Variants in KDM4C observed in about 807,000 individuals in gnomAD.
The protein encoded by KDM4C is lysine demethylase 4C.
KDM4C carries 81 observed loss-of-function variants against 129.3 expected under a neutral mutation model. The observed-to-expected ratio is 0.63, with a 90% CI of 0.52 to 0.75. The LOEUF (loss-of-function observed/expected upper bound fraction) is 0.75, where lower values mean the gene tolerates loss of function less well. Among genes scored for constraint, KDM4C ranks in the 30% least tolerant of loss-of-function variants. The pLI is 0.00. For missense variants in KDM4C, 1,457 were observed against 1,304.0 expected, an observed-to-expected ratio of 1.12 and a Z score of -1.81; for synonymous variants, 573 against 456.1, an observed-to-expected ratio of 1.26 and a Z score of -3.26.
intron 19 of KDM4C, among the ~76,000 whole-genome samples, chr9:7,151,700 G>A (rs1043753453): frequency 2.6e-5 from 4 of 152,176 alleles, no homozygotes; most frequent in Non-Finnish European, 4.4e-5. Context: ...AAAAGGGAAA[G>A]TGGACAGTAG....
intron 5 of KDM4C, among the ~76,000 whole-genome samples, chr9:6,866,694 C>T (rs1419704944): frequency 1.3e-5 from 2 of 152,094 alleles, no homozygotes; most frequent in Non-Finnish European, 2.9e-5. Flanking sequence ...CCACCCTGAT[C>T]TCTATTCTAG....
In KDM4C at chr9:7,139,761, T is replaced by C. The variant is rs532776611; in HGVS notation, c.2781+11525T>C. ...AACCTTTTTTCTATATTATTTATGC[T>C]GGAACTTTATCTCATATCATTATGT... On this transcript the variant is annotated intron_variant, in intron 19 of 21. Transcript: ENST00000381309. Among the ~76,000 whole-genome samples, 57 of 152,360 alleles carry C rather than the reference T, an allele frequency of 3.7e-4. 1 individual carries two copies. In the South Asian group the frequency reaches 0.011, roughly 29 times the overall value.
chr9:6,858,623 G>A (rs7850403), intron 5 of KDM4C, among the ~76,000 whole-genome samples: 2,661 of 152,064 alleles, frequency 0.017, 76 homozygotes, highest in African/African-American at 0.058. Flanking sequence ...AATATGAAAA[G>A]TTAGCCGGGT....
intron 19 of KDM4C, among the ~76,000 whole-genome samples, chr9:7,156,821 G>T (rs374134870): frequency 6.6e-6 from 1 of 152,166 alleles, no homozygotes; most frequent in Non-Finnish European, 1.5e-5. Flanking sequence ...GCTTAGGATT[G>T]TCTTGGCAAT....
chr9:6,788,504 A>G lies in KDM4C; in HGVS notation c.-17-4468A>G, dbSNP rs186004249. ...TGCATTATTCTTTACCAGTCATGCAAGTGAATCTGTTTTCTAAGTAACTTT... is the reference window on the plus strand; with the variant it reads ...TGCATTATTCTTTACCAGTCATGCAGGTGAATCTGTTTTCTAAGTAACTTT... On this transcript the variant is annotated intron_variant, in intron 1 of 21. Transcript: ENST00000381309. Among the ~76,000 whole-genome samples the G allele has an allele frequency of 1.7e-4, 26 of 152,300 alleles. 1 individual carries two copies. Among genetic ancestry groups the G allele is most frequent in the Admixed American group, 1.4e-3 (21 of 15,286 alleles).
intron 1 of KDM4C, among the ~76,000 whole-genome samples, chr9:6,764,933 T>G (rs575547174): frequency 2.6e-5 from 4 of 152,290 alleles, no homozygotes; most frequent in Non-Finnish European, 5.9e-5. Context: ...GCTCACTCAT[T>G]TCATTATGAG....
chr9:6,860,182 G>C (rs1267398093), intron 5 of KDM4C, among the ~76,000 whole-genome samples: 1 of 152,100 alleles, frequency 6.6e-6, no homozygotes, highest in Non-Finnish European at 1.5e-5. Flanking sequence ...TGTGATAATT[G>C]ACAGGTGATG....
intron 17 of KDM4C, among the ~76,000 whole-genome samples, chr9:7,092,829 C>T (rs1467773076): frequency 2.0e-5 from 3 of 152,082 alleles, no homozygotes; most frequent in African/African-American, 7.2e-5. Flanking sequence ...TTGCACACAT[C>T]TGCTTGGGTA....
At chr9:6,774,163 C>T (rs1020671501) in intron 1 of KDM4C, among the ~76,000 whole-genome samples, 2 of 151,970 alleles carry the variant, frequency 1.3e-5, no homozygotes, top group Non-Finnish European at 1.5e-5. Flanking sequence ...GCTGGGATTA[C>T]AGGTGTGAGC....
At chr9:7,026,524 C>T (rs1167128949) in intron 15 of KDM4C, among the ~76,000 whole-genome samples, 2 of 151,774 alleles carry the variant, frequency 1.3e-5, no homozygotes, top group African/African-American at 4.8e-5. Context: ...TTTTTTTCCC[C>T]TTGACCTTTG....
chr9:6,759,707 C>G (rs1818999128), intron 1 of KDM4C, among the ~76,000 whole-genome samples: 2 of 152,156 alleles, frequency 1.3e-5, no homozygotes, highest in Non-Finnish European at 2.9e-5. Context: ...AATCCCAACA[C>G]TTTGGGAGGC....
At chr9:7,119,004 C>T (rs1318603065) in intron 18 of KDM4C, among the ~76,000 whole-genome samples, 1 of 152,134 alleles carries the variant, frequency 6.6e-6, no homozygotes, top group Admixed American at 6.6e-5. Context: ...TAGAGATTAA[C>T]TGTTTTCTCT....
At chr9:7,009,029 C>T (rs1346963146) in intron 12 of KDM4C, among the ~76,000 whole-genome samples, 1 of 152,200 alleles carries the variant, frequency 6.6e-6, no homozygotes, top group Non-Finnish European at 1.5e-5. Context: ...AATAAAACCT[C>T]AGTAACCAAC....
At chr9:6,781,049 C>T (rs1824232952) in intron 1 of KDM4C, among the ~76,000 whole-genome samples, 1 of 152,122 alleles carries the variant, frequency 6.6e-6, no homozygotes, top group Non-Finnish European at 1.5e-5. Context: ...GCTGTAGCCC[C>T]TCATGGCATT....
intron 8 of KDM4C, among the ~76,000 whole-genome samples, chr9:6,905,554 A>G (rs1159947740): frequency 6.6e-6 from 1 of 152,246 alleles, no homozygotes; most frequent in African/African-American, 2.4e-5. Context: ...TATGACCTTC[A>G]GAATTAATGC....
intron 5 of KDM4C, among the ~76,000 whole-genome samples, chr9:6,859,694 C>T (rs1029938767): frequency 4.9e-4 from 74 of 151,362 alleles, no homozygotes; most frequent in Non-Finnish European, 1.0e-4. Flanking sequence ...AACCCCGTCT[C>T]TACTAAGAAT....
At chr9:7,076,898 T>C (rs1377017240) in intron 17 of KDM4C, 1 of 988,960 alleles carries the variant, frequency 1.0e-6, no homozygotes, top group Admixed American at 6.0e-5. Flanking sequence ...GGTTGTCTCC[T>C]GTAGCATGGA....
rs561159294 is a variant in KDM4C, at chr9:7,040,704, A to G, written c.2260-6158A>G. Among the ~76,000 whole-genome samples the G allele has an allele frequency of 2.0e-5, 3 of 151,812 alleles. No homozygotes were observed. The South Asian group carries it at 6.2e-4, about 32-fold the overall frequency. On this transcript the variant is annotated intron_variant, in intron 15 of 21. Transcript: ENST00000381309. ...TGCTTTTTCTTGTAGTATTTAATAGATATTATTCCATTACCTATTTGCCTT... is the reference window on the plus strand; with the variant it reads ...TGCTTTTTCTTGTAGTATTTAATAGGTATTATTCCATTACCTATTTGCCTT...
intron 4 of KDM4C, among the ~76,000 whole-genome samples, chr9:6,839,487 G>A (rs576929377): frequency 1.3e-4 from 19 of 143,080 alleles, no homozygotes; most frequent in Admixed American, 2.2e-4. Context: ...CAATCCTCCC[G>A]CCTCGGCCTC....
Sources: allele counts gnomAD v4.1 joint callset (sites outside exome capture counted in the v4.1 genomes callset), GRCh38; gene constraint gnomAD v4.1.1; transcripts MANE v1.5; gene names NCBI Gene and HGNC (gene_info 2026-07-23, HGNC 2026-07-21).